Variants in CFAP20DC observed in about 807,000 individuals in gnomAD.
CFAP20DC encodes CFAP20 domain containing.
A neutral mutation model predicts 101.7 loss-of-function variants in CFAP20DC; 84 were observed. The observed-to-expected ratio is 0.83, with a 90% CI of 0.69 to 0.99. The LOEUF is 0.99. Among genes scored for constraint, CFAP20DC ranks in the 50% least tolerant of loss-of-function variants. CFAP20DC has a pLI of 0.00. For missense variants in CFAP20DC, 1,007 were observed against 970.3 expected, an observed-to-expected ratio of 1.04 and a Z score of -0.50; for synonymous variants, 359 against 351.2, an observed-to-expected ratio of 1.02 and a Z score of -0.25.
intron 12 of CFAP20DC, chr3:58,862,745 C>A (rs1020819388): frequency 1.6e-5 from 16 of 971,796 alleles, no homozygotes; most frequent in Non-Finnish European, 2.0e-5. Flanking sequence ...TATAGAAAAG[C>A]TTTGTACATT....
At chr3:58,816,057 A>C (rs75603627) in intron 14 of CFAP20DC, among the ~76,000 whole-genome samples, 8,459 of 151,938 alleles carry the variant, frequency 0.056, 561 homozygotes, top group East Asian at 0.35. Flanking sequence ...AGACACATGC[A>C]CACGTATATT....
chr3:58,716,340 T>C (rs1458903642), downstream of CFAP20DC, among the ~76,000 whole-genome samples: 2 of 151,530 alleles, frequency 1.3e-5, no homozygotes, highest in Non-Finnish European at 2.9e-5. Flanking sequence ...TTTTTTTGTA[T>C]TTTTAGTAGA....
chr3:59,045,850 AC>A (rs1699810868), intron 3 of CFAP20DC, among the ~76,000 whole-genome samples: 1 of 152,094 alleles, frequency 6.6e-6, no homozygotes, highest in African/African-American at 2.4e-5. Context: ...TGAGGAACCA[AC>A]CTCAGTTTGT....
At chr3:58,992,271 C>G (rs1286070791) in intron 4 of CFAP20DC, among the ~76,000 whole-genome samples, 1 of 152,150 alleles carries the variant, frequency 6.6e-6, no homozygotes, top group Non-Finnish European at 1.5e-5. Context: ...AGTACCTGAC[C>G]AGGTTAAGCA....
At chr3:58,772,834 T>A (rs1424685471) in intron 15 of CFAP20DC, among the ~76,000 whole-genome samples, 13 of 152,198 alleles carry the variant, frequency 8.5e-5, no homozygotes, top group Admixed American at 8.5e-4. Flanking sequence ...ATCCTTTTTA[T>A]ATAGAAAAAA....
chr3:58,754,758 C>G (rs185345378), intron 15 of CFAP20DC, among the ~76,000 whole-genome samples: 59 of 152,326 alleles, frequency 3.9e-4, no homozygotes, highest in Admixed American at 8.5e-4. Flanking sequence ...GCTAAGAGCA[C>G]TGGCTCTGCA....
rs536277954 is a variant in CFAP20DC, at chr3:58,856,265, GACACACACACACAC to G, written c.1594-6870_1594-6857del. 1.6e-3 allele frequency among the ~76,000 whole-genome samples: 201 copies of G among 124,134 alleles called. 1 individual carries two copies. Among genetic ancestry groups the G allele is most frequent in the Middle Eastern group, 8.0e-3 (2 of 250 alleles). The allele number at this position is 124,134 out of a possible 152,430, so 81.4% of individuals were successfully genotyped here. ...TTTGTCTACACTAGCTTCATCTTCT[GACACACACACACAC>G]ACACACACACACACACACACACACA... On this transcript the variant is annotated intron_variant, in intron 12 of 16. Transcript: ENST00000482387.
intron 5 of CFAP20DC, among the ~76,000 whole-genome samples, chr3:58,936,938 A>T (rs549323008): frequency 6.9e-6 from 1 of 144,314 alleles, no homozygotes; most frequent in Non-Finnish European, 1.5e-5. Context: ...ACAAAATTAA[A>T]AAAAAATAAA....
chr3:58,891,456 AGAG>A (rs1182176969), intron 6 of CFAP20DC, among the ~76,000 whole-genome samples: 1 of 151,430 alleles, frequency 6.6e-6, no homozygotes, highest in East Asian at 1.9e-4. Context: ...AGGGAGAGGG[AGAG>A]GGAGAGGGAG....
In CFAP20DC at chr3:59,007,912, G is replaced by A. The variant is rs182753532; in HGVS notation, c.278+31645C>T. On this transcript the variant is annotated intron_variant, in intron 4 of 16. Coordinates refer to ENST00000482387, the MANE Select transcript of CFAP20DC (RefSeq NM_001394063.1). The surrounding 1 kb of genome is among the most constrained non-coding windows in gnomAD (Gnocchi z 4.4). Reference sequence around the variant, plus strand: ...TTCCACTGGTAGGTAGTTTCTCATAGCAGAGAAACAATTGCAATGTGGGGA... The same window carrying A: ...TTCCACTGGTAGGTAGTTTCTCATAACAGAGAAACAATTGCAATGTGGGGA... 3.6e-4 allele frequency among the ~76,000 whole-genome samples: 55 copies of A among 152,318 alleles called. No homozygotes were observed. Among genetic ancestry groups the A allele is most frequent in the Non-Finnish European group, 6.5e-4 (44 of 68,024 alleles).
chr3:58,935,324 A>G (rs1306450214), intron 5 of CFAP20DC, among the ~76,000 whole-genome samples: 1 of 152,042 alleles, frequency 6.6e-6, no homozygotes, highest in African/African-American at 2.4e-5. Flanking sequence ...GGAAGAATCA[A>G]TATTGTGAAA....
chr3:58,783,790 C>T lies in CFAP20DC; in HGVS notation c.2237+22605G>A, dbSNP rs1021494513. 3.3e-5 allele frequency among the ~76,000 whole-genome samples: 5 copies of T among 151,786 alleles called. No homozygotes were observed. The East Asian group carries it at 7.7e-4, about 23-fold the overall frequency. On this transcript the variant is annotated intron_variant, in intron 15 of 16. Transcript: ENST00000482387. ...AATGGCTATTACTAAAAAAACAAAA[C>T]AAAACAAAACCCCAAAAACAAAAAA...
chr3:58,879,876 C>G (rs917468405), intron 7 of CFAP20DC, among the ~76,000 whole-genome samples: 3 of 151,498 alleles, frequency 2.0e-5, no homozygotes, highest in Non-Finnish European at 4.4e-5. Flanking sequence ...TATGTATTTC[C>G]CTATTAAACC....
rs537905330 is a variant in CFAP20DC at position 58,767,816 on chromosome 3, C to T, written c.2238-13953G>A. ...ATAACCCCCATTGATGTTCTGAAAC[C>T]CTTCCACAACATTCCCACCAAGTGT... On this transcript the variant is annotated intron_variant, in intron 15 of 16. Coordinates refer to ENST00000482387, the MANE Select transcript of CFAP20DC (RefSeq NM_001394063.1). Among the ~76,000 whole-genome samples, 18 of 152,270 alleles carry T rather than the reference C, an allele frequency of 1.2e-4. No homozygotes were observed. In the South Asian group the frequency reaches 1.9e-3, roughly 16 times the overall value.
chr3:58,840,465 A>C (rs2077024015), intron 13 of CFAP20DC, among the ~76,000 whole-genome samples: 1 of 152,102 alleles, frequency 6.6e-6, no homozygotes, highest in Non-Finnish European at 1.5e-5. Flanking sequence ...TCAGATAGAC[A>C]CTGCTTCCTG....
chr3:58,717,437 T>C lies in CFAP20DC; in HGVS notation c.*151A>G. The C allele has an allele frequency of 3.8e-6, 1 of 265,214 alleles. No individual in the cohort carries two copies. 16.4% of individuals were successfully genotyped at this position (265,214 alleles called of 1,614,324 possible). A position where few individuals can be genotyped will look rare whatever the true frequency, so the allele number is the denominator to read the frequency against. ...ACTCTGAATTGTGTCCAAGGATGCTTTGGGATCTGTAGACAAAAGATGCTT... is the reference window on the plus strand; with the variant it reads ...ACTCTGAATTGTGTCCAAGGATGCTCTGGGATCTGTAGACAAAAGATGCTT... On this transcript the variant is annotated 3_prime_UTR_variant, in exon 4 of 4. Transcript: ENST00000486145. The surrounding 1 kb of genome is among the most constrained non-coding windows in gnomAD (Gnocchi z 4.1).
intron 4 of CFAP20DC, among the ~76,000 whole-genome samples, chr3:58,938,120 C>T (rs1314747727): frequency 3.9e-5 from 6 of 152,106 alleles, no homozygotes; most frequent in Non-Finnish European, 1.5e-5. Context: ...TATCTTGGGA[C>T]ATACTGTCAC....
At chr3:58,937,326 C>G (rs1350354830) in intron 5 of CFAP20DC, among the ~76,000 whole-genome samples, 3 of 152,162 alleles carry the variant, frequency 2.0e-5, no homozygotes, top group African/African-American at 7.2e-5. Flanking sequence ...CTCCCAAGTC[C>G]ACTCTAAGTG....
At chr3:58,812,497 A>G (rs2074736388) in intron 14 of CFAP20DC, among the ~76,000 whole-genome samples, 1 of 151,348 alleles carries the variant, frequency 6.6e-6, no homozygotes, top group Non-Finnish European at 1.5e-5. Flanking sequence ...TAGGTGGGAA[A>G]TGAACAATGA....
Sources: allele counts gnomAD v4.1 joint callset (sites outside exome capture counted in the v4.1 genomes callset), GRCh38; gene constraint gnomAD v4.1.1; non-coding constraint Gnocchi (gnomAD v3.1); transcripts MANE v1.5; gene names NCBI Gene and HGNC (gene_info 2026-07-23, HGNC 2026-07-21).